Variants in PPOX observed in about 807,000 individuals in gnomAD.
The protein encoded by PPOX is variegate porphyria.
PPOX carries 23 observed loss-of-function variants against 54.1 expected under a neutral mutation model. The observed-to-expected ratio is 0.43, with a 90% CI of 0.31 to 0.60. The LOEUF (loss-of-function observed/expected upper bound fraction) is 0.60. PPOX is among the 20% of genes least tolerant of loss of function. The pLI is 0.13. For missense variants in PPOX, 512 were observed against 601.1 expected (o/e 0.85, Z 1.55); for synonymous variants, 224 against 236.1 (o/e 0.95, Z 0.47).
At chr1:161,176,093 A>T (rs2101976114), downstream of PPOX, 1 of 1,610,732 alleles carries the variant, frequency 6.2e-7, no homozygotes, top group Admixed American at 1.7e-5. Context: ...GGAGAGGGGA[A>T]TTCTGGGGGT....
Position 161,167,980 on chromosome 1 carries a change from C to T in PPOX, c.339-15C>T, listed in dbSNP as rs1330291513. On this transcript the variant is annotated splice_polypyrimidine_tract_variant and intron_variant, in intron 4 of 12. Coordinates refer to ENST00000367999, the MANE Select transcript of PPOX (RefSeq NM_001122764.3). The stretch of plus-strand genomic sequence containing the variant: ...TGTCAGGAGCTTCCCCCTCACTATG[C>T]CTTTCTCCATGCAGGGGGCTACTCC... 6.2e-7 allele frequency: 1 copy of T among 1,613,980 alleles called. No individual in the cohort carries two copies. The highest frequency in any genetic ancestry group is 8.5e-7 in the Non-Finnish European group (1 of 1,180,026).
At chr1:161,176,649 T>C in intron 4 of PPOX, 3 of 586,990 alleles carry the variant, frequency 5.1e-6, no homozygotes, top group South Asian at 2.1e-5. Flanking sequence ...GTGAAGCTGG[T>C]TTCCCAGCAG....
chr1:161,166,847 C>T lies in PPOX; in HGVS notation c.-1C>T, dbSNP rs148045152. 352 of 1,613,298 alleles carry T rather than the reference C, an allele frequency of 2.2e-4. No individual in the cohort carries two copies. The highest frequency in any genetic ancestry group is 1.7e-4 in the Admixed American group (10 of 60,014). The stretch of plus-strand genomic sequence containing the variant: ...TCGCCCCCTTTCCCCCAGGTTTCCG[C>T]ATGGGCCGGACCGTGGTCGTGCTGG... On this transcript the variant is annotated 5_prime_UTR_variant, in exon 2 of 13. Transcript: ENST00000367999.
chr1:161,173,909 G>A (rs958312066), downstream of PPOX: 3 of 1,614,016 alleles, frequency 1.9e-6, no homozygotes, highest in African/African-American at 4.0e-5. Context: ...GTCCCCGGGG[G>A]TCACACACAT....
At position 161,166,456 on chromosome 1, in the gene PPOX, G is replaced by T. The variant is rs565950374; in HGVS notation, c.-225G>T. Reference sequence around the variant, plus strand: ...GAGCGTAGGAGAGACCGAAAAGGCTGGGGGTGGGAGTAGCGGATTTGAAGC... The same window carrying T: ...GAGCGTAGGAGAGACCGAAAAGGCTTGGGGTGGGAGTAGCGGATTTGAAGC... On this transcript the variant is annotated 5_prime_UTR_variant, in exon 1 of 13. Coordinates refer to ENST00000367999, the MANE Select transcript of PPOX (RefSeq NM_001122764.3). 4 of 1,216,200 alleles carry T rather than the reference G, an allele frequency of 3.3e-6. No homozygotes were observed. Among genetic ancestry groups the T allele is most frequent in the East Asian group, 9.6e-5 (2 of 20,838 alleles). The allele number at this position is 1,216,200 out of a possible 1,614,324, so 75.3% of individuals were successfully genotyped here. A position where few individuals can be genotyped will look rare whatever the true frequency, so the allele number is the denominator to read the frequency against.
At position 161,167,106 on chromosome 1, in the gene PPOX, C is replaced by T; in HGVS notation, c.94C>T (p.Leu32=). 3 of 1,614,142 alleles carry T rather than the reference C, an allele frequency of 1.9e-6. No individual in the cohort carries two copies. Among genetic ancestry groups the T allele is most frequent in the Non-Finnish European group, 2.5e-6 (3 of 1,180,002 alleles). Residue 32 remains leucine, a synonymous_variant, in exon 3 of 13, where the codon CTA becomes TTA. Coordinates refer to ENST00000367999, the MANE Select transcript of PPOX (RefSeq NM_001122764.3). ...SRAPCPPKVV[L]VESSERLGGW... ...CTCTCCCTCTTGTCGCCAGGTGGTC[C>T]TAGTGGAGAGCAGTGAGCGTCTGGG...
chr1:161,176,996 G>A (rs549761557), exon 5 of PPOX: 1 of 1,536,088 alleles, frequency 6.5e-7, no homozygotes, highest in South Asian at 1.2e-5. Flanking sequence ...TGACCACCTG[G>A]GGGCTGTAAG....
At chr1:161,166,274 G>C (rs911694961), upstream of PPOX, 6 of 1,005,098 alleles carry the variant, frequency 6.0e-6, no homozygotes, top group South Asian at 1.2e-4. Context: ...CCAGCTCGGC[G>C]CTAACACGGT....
chr1:161,173,122 C>T (rs1005294129), downstream of PPOX, among the ~76,000 whole-genome samples: 24 of 152,266 alleles, frequency 1.6e-4, no homozygotes, highest in Admixed American at 1.0e-3. Flanking sequence ...CATACCAAGC[C>T]CAAATATTCA....
At chr1:161,166,792 C>T in intron 1 of PPOX, 48 bp from the exon 2 acceptor site, 2 of 1,603,876 alleles carry the variant, frequency 1.2e-6, no homozygotes, top group South Asian at 1.1e-5. Flanking sequence ...GCTTCTGGAG[C>T]GCAGGTTGTC....
intron 7 of PPOX, 152 bp from the exon 8 acceptor site, chr1:161,169,508 C>T (rs1409903857): frequency 1.2e-6 from 1 of 836,504 alleles, no homozygotes; most frequent in South Asian, 1.4e-5. Context: ...TTTGTGAAGT[C>T]TACATAGTCA....
intron 9 of PPOX, 28 bp downstream of exon 9, chr1:161,170,052 C>T: frequency 6.3e-7 from 1 of 1,595,880 alleles, no homozygotes; most frequent in Non-Finnish European, 8.5e-7. Flanking sequence ...AGAGGCTGGG[C>T]ATGGTGGCTC....
chr1:161,167,031 C>G, intron 2 of PPOX, 69 bp from the exon 3 acceptor site: 1 of 1,613,064 alleles, frequency 6.2e-7, no homozygotes, highest in African/African-American at 1.3e-5. Flanking sequence ...TATGCCTCTT[C>G]CCCTCCCCTC....
chr1:161,167,273 G>A (rs1407819256), intron 3 of PPOX, 39 bp downstream of exon 3: 1 of 1,614,032 alleles, frequency 6.2e-7, no homozygotes, highest in Non-Finnish European at 8.5e-7. Context: ...GGTTGTGGAG[G>A]GGGCTTCCAT....
exon 5 of PPOX, chr1:161,177,029 G>C (rs1460545415): frequency 3.9e-6 from 6 of 1,535,938 alleles, no homozygotes; most frequent in Admixed American, 2.0e-5. Context: ...GAGCTCGGCG[G>C]AGAGTAGGGT....
In PPOX at chr1:161,166,554, T is replaced by C; in HGVS notation, c.-127T>C. 1 of 1,391,922 alleles carries C rather than the reference T, an allele frequency of 7.2e-7. No individual in the cohort carries two copies. Among genetic ancestry groups the C allele is most frequent in the Non-Finnish European group, 9.3e-7 (1 of 1,072,088 alleles). The allele number at this position is 1,391,922 out of a possible 1,614,324, so 86.2% of individuals were successfully genotyped here. ...GGCGTACTGCCCGCCGCCCGAGCCCTGCGAGGGCCGATAGCGAGGGTGTGG... is the reference window on the plus strand; with the variant it reads ...GGCGTACTGCCCGCCGCCCGAGCCCCGCGAGGGCCGATAGCGAGGGTGTGG... On this transcript the variant is annotated 5_prime_UTR_variant, in exon 1 of 13. Transcript: ENST00000367999.
At chr1:161,170,320 G>GGGGGGGGCGCCCC in intron 9 of PPOX, 89 bp from the exon 10 acceptor site, 1 of 494,792 alleles carries the variant, frequency 2.0e-6, no homozygotes, top group Non-Finnish European at 4.0e-6. Context: ...GTGAGACTCT[G>GGGGGGGGCGCCCC]TCCCCCCCAC....
chr1:161,177,355 TCTCA>T, downstream of PPOX: 1 of 435,408 alleles, frequency 2.3e-6, no homozygotes, highest in Non-Finnish European at 4.2e-6. Flanking sequence ...ACCCAAAACT[TCTCA>T]CTCTCTCGAA....
rs754176228 is a variant in PPOX, at chr1:161,168,590, G to A, written c.616+14G>A. The A allele has an allele frequency of 5.0e-6, 8 of 1,613,460 alleles. No individual in the cohort carries two copies. In the South Asian group the frequency reaches 7.7e-5, roughly 16 times the overall value. On this transcript the variant is annotated intron_variant, in intron 6 of 12. Transcript: ENST00000367999. ...TGCTGGGGGCAGGTGAGGGGGGATT[G>A]ATTCAGAGGGTGAAAATATTAAGTA...
Sources: gnomAD v4.1 joint callset for allele counts (sites outside exome capture counted in the v4.1 genomes callset) on GRCh38, gnomAD v4.1.1 for gene constraint, MANE v1.5 for transcripts, NCBI Gene and HGNC (gene_info 2026-07-23, HGNC 2026-07-21) for gene names.